The following LRP1B variants were observed in gnomAD, a reference collection of about 807,000 sequenced individuals.
LRP1B encodes LDL receptor related protein 1B.
Under a neutral mutation model 556.6 loss-of-function variants are expected in LRP1B, and 217 were observed. That is an observed-to-expected ratio of 0.39 (90% CI 0.35 to 0.44). LRP1B has a LOEUF of 0.44. LRP1B is among the 20% of genes least tolerant of loss of function. LRP1B has a pLI of 1.00. For missense variants in LRP1B, 5,053 were observed against 5,620.8 expected (o/e 0.90, Z 3.23); for synonymous variants, 2,047 against 1,865.8 (o/e 1.10, Z -2.50).
At chr2:140,235,651 T>A (rs1487501408) in intron 89 of LRP1B, among the ~76,000 whole-genome samples, 1 of 151,094 alleles carries the variant, frequency 6.6e-6, no homozygotes, top group Non-Finnish European at 1.5e-5. Context: ...AATATTTGAG[T>A]ATTATGTTCT....
At chr2:141,329,361 CT>C (rs1359425035) in intron 3 of LRP1B, among the ~76,000 whole-genome samples, 3 of 126,980 alleles carry the variant, frequency 2.4e-5, no homozygotes, top group Admixed American at 8.6e-5. Flanking sequence ...GTAATCCAGC[CT>C]GGGGGACAAG....
intron 3 of LRP1B, among the ~76,000 whole-genome samples, chr2:141,307,421 G>T (rs1169706727): frequency 1.3e-5 from 2 of 151,828 alleles, no homozygotes; most frequent in South Asian, 2.1e-4. Context: ...GGTATGTGTA[G>T]CTATTCCTGC....
chr2:140,347,649 A>T (rs2105109411), intron 77 of LRP1B, among the ~76,000 whole-genome samples: 1 of 152,124 alleles, frequency 6.6e-6, no homozygotes, highest in Non-Finnish European at 1.5e-5. Flanking sequence ...ACATCCTGCT[A>T]CCACATGGCT....
intron 1 of LRP1B, among the ~76,000 whole-genome samples, chr2:142,086,798 C>A (rs1321078290): frequency 2.6e-5 from 4 of 152,126 alleles, no homozygotes; most frequent in Non-Finnish European, 4.4e-5. Flanking sequence ...ATCTGTCAAT[C>A]CTACTTCCTA....
chr2:141,654,270 C>A (rs1178919594), intron 2 of LRP1B, among the ~76,000 whole-genome samples: 2 of 152,086 alleles, frequency 1.3e-5, no homozygotes, highest in Non-Finnish European at 2.9e-5. Context: ...CAATATAAAC[C>A]ATCAGACCCT....
At chr2:141,857,227 T>C (rs1574433667) in intron 1 of LRP1B, among the ~76,000 whole-genome samples, 1 of 152,032 alleles carries the variant, frequency 6.6e-6, no homozygotes, top group African/African-American at 2.4e-5. Flanking sequence ...TTCCAGTTAT[T>C]TTTTTTTCCT....
intron 1 of LRP1B, among the ~76,000 whole-genome samples, chr2:142,070,567 C>G (rs1467360377): frequency 4.6e-5 from 7 of 151,846 alleles, no homozygotes; most frequent in African/African-American, 1.4e-4. Context: ...CAACAGTATT[C>G]CCAAACAGGA....
chr2:140,938,485 T>C (rs1373968948), intron 20 of LRP1B, among the ~76,000 whole-genome samples: 1 of 152,120 alleles, frequency 6.6e-6, no homozygotes, highest in Non-Finnish European at 1.5e-5. Flanking sequence ...TCTTTTGTCA[T>C]CTTTAATTGA....
chr2:141,411,943 G>C (rs1690868091), intron 3 of LRP1B, among the ~76,000 whole-genome samples: 1 of 151,830 alleles, frequency 6.6e-6, no homozygotes, highest in Non-Finnish European at 1.5e-5. Context: ...AATATAAATA[G>C]AACAAAGTCT....
intron 2 of LRP1B, among the ~76,000 whole-genome samples, chr2:141,537,698 G>A (rs1685115099): frequency 6.6e-6 from 1 of 152,098 alleles, no homozygotes; most frequent in Admixed American, 6.6e-5. Context: ...AGTATTTTCA[G>A]AATTATCACA....
intron 35 of LRP1B, among the ~76,000 whole-genome samples, chr2:140,738,201 G>A (rs1328226397): frequency 1.3e-5 from 2 of 152,098 alleles, no homozygotes; most frequent in African/African-American, 4.8e-5. Flanking sequence ...GGTGAAAAGA[G>A]GTGTCACCAT....
intron 37 of LRP1B, among the ~76,000 whole-genome samples, chr2:140,708,102 C>A (rs938059315): frequency 6.6e-6 from 1 of 151,930 alleles, no homozygotes; most frequent in African/African-American, 2.4e-5. Flanking sequence ...ATGGCAGAGG[C>A]AAATGGGTAA....
intron 25 of LRP1B, among the ~76,000 whole-genome samples, chr2:140,878,647 A>C (rs1352592392): frequency 2.6e-5 from 4 of 152,132 alleles, no homozygotes; most frequent in African/African-American, 9.7e-5. Flanking sequence ...GAACACGAAG[A>C]TAGCATCAAT....
chr2:141,331,522 C>CTCTTTTTTTCTTTCTTTCTTTCTT (rs1687653478), intron 3 of LRP1B, among the ~76,000 whole-genome samples: 1 of 140,718 alleles, frequency 7.1e-6, no homozygotes, highest in Admixed American at 7.1e-5. Flanking sequence ...TTCTTTCTTT[C>CTCTTTTTTTCTTTCTTTCTTTCTT]TCTTTCTTTC....
rs1559079668 is a variant in LRP1B, at chr2:142,115,554, T to TATAA, written c.82+15093_82+15094insTTAT. On this transcript the variant is annotated intron_variant, in intron 1 of 90. Coordinates refer to ENST00000389484, the MANE Select transcript of LRP1B (RefSeq NM_018557.3). ...ATATATTACATATGTAATATATATA[T>TATAA]TATATATGTAATATATATTATATAT... is the stretch of plus-strand genomic sequence containing the variant. Among the ~76,000 whole-genome samples the TATAA allele has an allele frequency of 8.8e-3, 177 of 20,168 alleles. 43 individuals are homozygous for TATAA. Among genetic ancestry groups the TATAA allele is most frequent in the Non-Finnish European group, 0.018 (150 of 8,192 alleles). 13.2% of individuals were successfully genotyped at this position (20,168 alleles called of 152,430 possible).
At chr2:141,843,385 C>T (rs1318703605) in intron 1 of LRP1B, among the ~76,000 whole-genome samples, 4 of 152,112 alleles carry the variant, frequency 2.6e-5, no homozygotes, top group South Asian at 4.2e-4. Context: ...TCTGTAATTC[C>T]GATAAAGCTT....
chr2:141,337,669 A>G (rs1272533177), intron 3 of LRP1B, among the ~76,000 whole-genome samples: 1 of 152,072 alleles, frequency 6.6e-6, no homozygotes, highest in African/African-American at 2.4e-5. Context: ...TGTCAACTTC[A>G]TTTTGCTATT....
intron 1 of LRP1B, among the ~76,000 whole-genome samples, chr2:142,025,223 A>C (rs1181460728): frequency 6.6e-6 from 1 of 152,136 alleles, no homozygotes; most frequent in African/African-American, 2.4e-5. Context: ...TTTGAATTCC[A>C]CAAAACTATT....
At chr2:140,323,227 ACTGTTTTTG>A (rs1411500496) in intron 81 of LRP1B, among the ~76,000 whole-genome samples, 1 of 151,920 alleles carries the variant, frequency 6.6e-6, no homozygotes, top group African/African-American at 2.4e-5. Flanking sequence ...TTTGTTGTTC[ACTGTTTTTG>A]ATAGCTGTGT....
Sources: allele counts gnomAD v4.1 joint callset (sites outside exome capture counted in the v4.1 genomes callset), GRCh38; gene constraint gnomAD v4.1.1; transcripts MANE v1.5; gene names NCBI Gene and HGNC (gene_info 2026-07-23, HGNC 2026-07-21).